MORN1: variants seen among roughly 807,000 people sequenced by gnomAD.
MORN1 encodes MORN repeat-containing protein 1.
In MORN1, 67 loss-of-function variants were observed where a neutral mutation model predicts 61.9. The ratio of observed to expected loss-of-function variants is 1.08; its 90% CI spans 0.89 to 1.33. The LOEUF is 1.33. Ranked by LOEUF, MORN1 falls within the 40% of genes most tolerant of loss-of-function variation. The pLI is 0.00. For synonymous variants in MORN1, 301 were observed against 292.0 expected (o/e 1.03, Z -0.31); for missense variants, 752 against 691.2 (o/e 1.09, Z -0.99).
At chr1:2,359,291 C>T (rs1004048342) in intron 8 of MORN1, among the ~76,000 whole-genome samples, 6 of 152,202 alleles carry the variant, frequency 3.9e-5, no homozygotes, top group Non-Finnish European at 8.8e-5. Flanking sequence ...CAGGGCCTGG[C>T]ACACAGCTGG....
At chr1:2,387,303 C>T (rs1263556465) in intron 4 of MORN1, 116 bp downstream of exon 4, 3 of 790,060 alleles carry the variant, frequency 3.8e-6, no homozygotes, top group Admixed American at 1.8e-5. Context: ...TACCTCCTTT[C>T]CAACCCTCTG....
chr1:2,350,249 T>C (rs1641615003), intron 10 of MORN1, among the ~76,000 whole-genome samples: 1 of 152,262 alleles, frequency 6.6e-6, no homozygotes, highest in African/African-American at 2.4e-5. Context: ...TATCTGGCAA[T>C]AGTCCATGTC....
chr1:2,325,107 TCCTTC>T (rs1356444019), intron 12 of MORN1, among the ~76,000 whole-genome samples: 1 of 98,546 alleles, frequency 1.0e-5, no homozygotes, highest in Non-Finnish European at 1.9e-5. Context: ...CTCTCCCCTT[TCCTTC>T]CCTTCCTTCC....
At chr1:2,341,557 G>A (rs1354976687) in intron 10 of MORN1, among the ~76,000 whole-genome samples, 1 of 152,134 alleles carries the variant, frequency 6.6e-6, no homozygotes, top group Admixed American at 6.5e-5. Flanking sequence ...CAGGTGTGGT[G>A]GCAGGTGCCT....
chr1:2,359,139 G>T (rs1641839803), intron 8 of MORN1, among the ~76,000 whole-genome samples: 1 of 152,152 alleles, frequency 6.6e-6, no homozygotes, highest in African/African-American at 2.4e-5. Context: ...GCTGGTCAGG[G>T]GCGTGGGGTG....
At chr1:2,341,707 A>G (rs950514758) in intron 10 of MORN1, among the ~76,000 whole-genome samples, 12 of 152,030 alleles carry the variant, frequency 7.9e-5, no homozygotes, top group Admixed American at 3.3e-4. Flanking sequence ...AAAAAAAAAA[A>G]AAAGAAAAAG....
chr1:2,322,935 C>G, intron 13 of MORN1: 1 of 985,444 alleles, frequency 1.0e-6, no homozygotes, highest in Non-Finnish European at 1.2e-6. Context: ...TGATCTAGCC[C>G]TGGGCCAGCT....
At chr1:2,375,703 A>T (rs960521874) in intron 6 of MORN1, 1 of 152,214 alleles carries the variant, frequency 6.6e-6, no homozygotes, top group Non-Finnish European at 1.5e-5. Context: ...GGCAGCTCTC[A>T]GCTTCAGGAG....
intron 13 of MORN1, chr1:2,323,346 G>A (rs888082397): frequency 2.5e-5 from 25 of 985,306 alleles, no homozygotes; most frequent in African/African-American, 1.7e-4. Flanking sequence ...AGTGAGCAGC[G>A]GGTCCAGACC....
At position 2,384,931 on chromosome 1, in the gene MORN1, C is replaced by T. The variant is rs374555275; in HGVS notation, c.537+47G>A. On this transcript the variant is annotated intron_variant, in intron 6 of 13. Transcript: ENST00000378531. ...TACACCCCACGCGCCCTGCCCACCA[C>T]GAGGCCTGTACCCTCTGGGCAGCAG... 1.7e-4 allele frequency: 253 copies of T among 1,482,154 alleles called. No individual in the cohort carries two copies. The African/African-American group carries it at 2.6e-3, about 15-fold the overall frequency. The allele number at this position is 1,482,154 out of a possible 1,614,324, so 91.8% of individuals were successfully genotyped here.
chr1:2,378,663 C>G (rs975278788), intron 6 of MORN1: 1 of 305,902 alleles, frequency 3.3e-6, no homozygotes, highest in South Asian at 2.9e-5. Context: ...CGCGCTGCTG[C>G]CAACATGGGT....
chr1:2,376,698 G>C (rs1315510384), intron 6 of MORN1: 1 of 152,204 alleles, frequency 6.6e-6, no homozygotes, highest in Non-Finnish European at 1.5e-5. Context: ...AATCAGGTCA[G>C]GGCTTGGCAT....
chr1:2,379,213 ATGGG>A (rs1642316624), intron 6 of MORN1: 1 of 468,032 alleles, frequency 2.1e-6, no homozygotes, highest in South Asian at 1.6e-5. Context: ...CCTACTATAG[ATGGG>A]TGGATCAGAG....
chr1:2,385,766 T>A, intron 5 of MORN1, 41 bp downstream of exon 5: 1 of 1,573,344 alleles, frequency 6.4e-7, no homozygotes, highest in Non-Finnish European at 8.7e-7. Flanking sequence ...GCCCTGTGTA[T>A]CTGTCATGCG....
At chr1:2,322,446 G>A (rs897706962) in intron 13 of MORN1, 19 of 985,178 alleles carry the variant, frequency 1.9e-5, no homozygotes, top group Non-Finnish European at 2.2e-5. Context: ...GCAGAGCGGC[G>A]GCCTCCTCGG....
chr1:2,390,005 T>C lies in MORN1; in HGVS notation c.77-9A>G, dbSNP rs200238982. 82 of 1,610,258 alleles carry C rather than the reference T, an allele frequency of 5.1e-5. No individual in the cohort carries two copies. The highest frequency in any genetic ancestry group is 6.6e-5 in the Non-Finnish European group (78 of 1,176,676). Reference sequence around the variant, plus strand: ...TACGTAGACACCATAACCTGAGTATTGAGAAGACACACACAGGTAAGCACA... The same window carrying C: ...TACGTAGACACCATAACCTGAGTATCGAGAAGACACACACAGGTAAGCACA... On this transcript the variant is annotated splice_polypyrimidine_tract_variant and intron_variant, in intron 1 of 13. Transcript: ENST00000378531.
chr1:2,385,984 G>T, intron 4 of MORN1, 87 bp from the exon 5 acceptor site: 3 of 1,199,560 alleles, frequency 2.5e-6, no homozygotes, highest in Non-Finnish European at 3.7e-6. Flanking sequence ...TGGAGGGCGG[G>T]CAGGAGCAAA....
chr1:2,340,152 G>A (rs1046815795), intron 10 of MORN1, among the ~76,000 whole-genome samples: 1 of 151,976 alleles, frequency 6.6e-6, no homozygotes, highest in Non-Finnish European at 1.5e-5. Flanking sequence ...GGCCCTCCGG[G>A]AGACCTCGGA....
chr1:2,375,402 T>C (rs1642211138), intron 6 of MORN1: 1 of 152,192 alleles, frequency 6.6e-6, no homozygotes, highest in Non-Finnish European at 1.5e-5. Flanking sequence ...CCCTGGGATG[T>C]GTGGGAAGAG....
Sources: gnomAD v4.1 joint callset for allele counts (sites outside exome capture counted in the v4.1 genomes callset) on GRCh38, gnomAD v4.1.1 for gene constraint, MANE v1.5 for transcripts, NCBI Gene and HGNC (gene_info 2026-07-23, HGNC 2026-07-21) for gene names.